Variants in COPG2 observed in about 807,000 individuals in gnomAD.
COPG2 encodes the protein coat protein complex I subunit gamma 2, also known as coatomer subunit gamma-2.
Under a neutral mutation model 46.3 loss-of-function variants are expected in COPG2, and 37 were observed. That is an observed-to-expected ratio of 0.80 (90% CI 0.61 to 1.05). The LOEUF (loss-of-function observed/expected upper bound fraction) is 1.05. Among genes scored for constraint, COPG2 ranks in the 50% least tolerant of loss-of-function variants. COPG2 has a pLI of 0.00. For missense variants in COPG2, 427 were observed against 387.8 expected (o/e 1.10, Z -0.85); for synonymous variants, 159 against 129.7 (o/e 1.23, Z -1.53).
At chr7:130,584,119 A>C (rs1794218830) in intron 9 of COPG2, among the ~76,000 whole-genome samples, 1 of 152,060 alleles carries the variant, frequency 6.6e-6, no homozygotes, top group South Asian at 2.1e-4. Flanking sequence ...ACCATGACCA[A>C]GTGGGTTTCA....
At chr7:130,578,902 G>A (rs1177047964) in intron 9 of COPG2, among the ~76,000 whole-genome samples, 1 of 149,134 alleles carries the variant, frequency 6.7e-6, no homozygotes, top group East Asian at 2.0e-4. Context: ...GGGGAGAATG[G>A]AACCAAGTTG....
At chr7:130,596,688 T>C (rs782130678) in intron 9 of COPG2, among the ~76,000 whole-genome samples, 39 of 152,226 alleles carry the variant, frequency 2.6e-4, no homozygotes, top group South Asian at 1.5e-3. Context: ...TGAGGTCCCA[T>C]TGGCATCTGG....
intron 12 of COPG2, among the ~76,000 whole-genome samples, chr7:130,556,727 T>C (rs1793632316): frequency 6.6e-6 from 1 of 152,098 alleles, no homozygotes; most frequent in African/African-American, 2.4e-5. Context: ...GTAAAGATGG[T>C]TCAGCATTAG....
intron 4 of COPG2, among the ~76,000 whole-genome samples, chr7:130,662,361 T>C (rs1486862601): frequency 6.6e-6 from 1 of 152,146 alleles, no homozygotes; most frequent in African/African-American, 2.4e-5. Flanking sequence ...TTTGGCCAAT[T>C]TATGTTAATG....
At chr7:130,603,860 G>A in intron 9 of COPG2, 1 of 518,738 alleles carries the variant, frequency 1.9e-6, no homozygotes, top group South Asian at 1.4e-5. Flanking sequence ...TGTAACTTTT[G>A]ACTCCCCCAA....
chr7:130,609,737 A>G (rs1794805188), intron 9 of COPG2, among the ~76,000 whole-genome samples: 1 of 151,750 alleles, frequency 6.6e-6, no homozygotes, highest in African/African-American at 2.4e-5. Context: ...ATTTCTATTG[A>G]CTTGTCTTTA....
chr7:130,646,828 G>A (rs188225079), intron 5 of COPG2, among the ~76,000 whole-genome samples: 5 of 151,486 alleles, frequency 3.3e-5, no homozygotes, highest in Admixed American at 3.3e-4. Flanking sequence ...TGCCATGATT[G>A]TAAGTTTCCT....
At chr7:130,588,175 G>GT (rs1554448359) in intron 9 of COPG2, among the ~76,000 whole-genome samples, 4 of 151,732 alleles carry the variant, frequency 2.6e-5, no homozygotes, top group African/African-American at 9.7e-5. Context: ...TGGAGAAATA[G>GT]GAACACTTTT....
intron 20 of COPG2, among the ~76,000 whole-genome samples, chr7:130,544,420 A>G (rs945798193): frequency 3.6e-4 from 55 of 152,306 alleles, no homozygotes; most frequent in African/African-American, 1.2e-3. Context: ...AAAATCAGAG[A>G]AAATAAACTC....
intron 5 of COPG2, among the ~76,000 whole-genome samples, chr7:130,630,425 ACTT>A (rs1157018434): frequency 6.6e-6 from 1 of 152,190 alleles, no homozygotes; most frequent in African/African-American, 2.4e-5. Context: ...TGCTAAGCTC[ACTT>A]ATTACTTCCT....
rs1794251445 is a variant in COPG2 at position 130,585,626 on chromosome 7, A to G, written c.738-21233T>C. ...ACAAACTCTAACAAATCAGTAAGAA[A>G]AAAACAATTCCATCAAAAAGTGGGC... On this transcript the variant is annotated intron_variant, in intron 9 of 23. Transcript: ENST00000425248. 1.3e-5 allele frequency among the ~76,000 whole-genome samples: 2 copies of G among 152,090 alleles called. 1 individual carries two copies. The highest frequency in any genetic ancestry group is 2.9e-5 in the Non-Finnish European group (2 of 68,000).
chr7:130,620,311 A>G (rs1554453446), intron 5 of COPG2, among the ~76,000 whole-genome samples: 1 of 152,132 alleles, frequency 6.6e-6, no homozygotes. Context: ...CAACAAGCAT[A>G]CATTCTGACA....
At chr7:130,600,779 A>C (rs1400634938) in intron 9 of COPG2, among the ~76,000 whole-genome samples, 4 of 152,144 alleles carry the variant, frequency 2.6e-5, no homozygotes, top group African/African-American at 9.7e-5. Flanking sequence ...TTTAATATGT[A>C]AATTCAATTA....
chr7:130,654,198 A>G (rs1795803534), intron 4 of COPG2, among the ~76,000 whole-genome samples: 1 of 152,232 alleles, frequency 6.6e-6, no homozygotes, highest in East Asian at 1.9e-4. Flanking sequence ...TTAACCACTA[A>G]AACATACTGC....
intron 5 of COPG2, among the ~76,000 whole-genome samples, chr7:130,633,257 C>T (rs1421510562): frequency 6.6e-6 from 1 of 152,078 alleles, no homozygotes; most frequent in Non-Finnish European, 1.5e-5. Flanking sequence ...TGGATATATA[C>T]CCAGTAATGC....
At chr7:130,590,428 G>C (rs551851461) in intron 9 of COPG2, among the ~76,000 whole-genome samples, 114 of 152,336 alleles carry the variant, frequency 7.5e-4, no homozygotes, top group African/African-American at 2.6e-3. Context: ...ACTGGTTTTC[G>C]TATTTTTTTG....
chr7:130,568,921 G>C (rs1297809076), intron 9 of COPG2, among the ~76,000 whole-genome samples: 5 of 152,102 alleles, frequency 3.3e-5, no homozygotes, highest in African/African-American at 1.2e-4. Context: ...TTGAAAACCA[G>C]GCAAATACAT....
intron 6 of COPG2, 75 bp downstream of exon 6, chr7:130,616,915 C>G (rs1794959350): frequency 2.3e-6 from 2 of 885,390 alleles, no homozygotes; most frequent in Non-Finnish European, 3.5e-6. Flanking sequence ...ACTAGGAAAT[C>G]CTACTAAATC....
chr7:130,591,422 C>T (rs1162437315), intron 9 of COPG2, among the ~76,000 whole-genome samples: 1 of 16,434 alleles, frequency 6.1e-5, no homozygotes, highest in Non-Finnish European at 1.6e-4. Flanking sequence ...CCCGGCCAGC[C>T]GCCCGTCCGG....
Sources: allele counts gnomAD v4.1 joint callset (sites outside exome capture counted in the v4.1 genomes callset), GRCh38; gene constraint gnomAD v4.1.1; transcripts MANE v1.5; gene names NCBI Gene and HGNC (gene_info 2026-07-23, HGNC 2026-07-21).